CGNL1: variants seen among roughly 807,000 people sequenced by gnomAD.
CGNL1 encodes the protein cingulin-like protein 1.
A neutral mutation model predicts 141.2 loss-of-function variants in CGNL1; 132 were observed. The observed-to-expected ratio is 0.93, with a 90% CI of 0.81 to 1.08. The LOEUF (loss-of-function observed/expected upper bound fraction) is 1.08, where lower values mean the gene tolerates loss of function less well. Ranked by LOEUF, CGNL1 falls within the 50% of genes least tolerant of loss-of-function variation. The pLI is 0.00. For synonymous variants in CGNL1, 690 were observed against 622.1 expected, an observed-to-expected ratio of 1.11 and a Z score of -1.63; for missense variants, 1,870 against 1,588.6, an observed-to-expected ratio of 1.18 and a Z score of -3.01.
chr15:57,415,882 C>T (rs891923590), intron 1 of CGNL1, among the ~76,000 whole-genome samples: 2 of 152,336 alleles, frequency 1.3e-5, no homozygotes, highest in African/African-American at 4.8e-5. Context: ...AGGTTAGTTT[C>T]TCCTGATTTT....
At chr15:57,476,137 G>C (rs2152352592) in intron 8 of CGNL1, among the ~76,000 whole-genome samples, 1 of 152,302 alleles carries the variant, frequency 6.6e-6, no homozygotes, top group African/African-American at 2.4e-5. Context: ...AGCCAGTTCG[G>C]TGTGGGGCAT....
intron 1 of CGNL1, among the ~76,000 whole-genome samples, chr15:57,437,435 A>G (rs1195315227): frequency 3.3e-5 from 5 of 152,078 alleles, no homozygotes; most frequent in African/African-American, 9.7e-5. Context: ...TGTGGGTAAA[A>G]AAGGCTGAAA....
chr15:57,383,180 A>G (rs548954789), intron 1 of CGNL1, among the ~76,000 whole-genome samples: 2 of 152,176 alleles, frequency 1.3e-5, no homozygotes, highest in Admixed American at 6.5e-5. Context: ...TGAAAGCTTT[A>G]GGTGCTGGAG....
chr15:57,528,366 C>G (rs547688816), intron 12 of CGNL1, among the ~76,000 whole-genome samples: 107 of 152,268 alleles, frequency 7.0e-4, no homozygotes, highest in African/African-American at 2.5e-3. Flanking sequence ...TTTGCTAATA[C>G]TCTGCTATTT....
chr15:57,488,048 T>G (rs2063808319), intron 8 of CGNL1, among the ~76,000 whole-genome samples: 1 of 152,176 alleles, frequency 6.6e-6, no homozygotes, highest in South Asian at 2.1e-4. Context: ...TTTCTCCACA[T>G]CCTCTCCCAC....
Position 57,424,293 on chromosome 15 carries a change from C to T in CGNL1, c.-15-13692C>T, listed in dbSNP as rs74019111. 9.3e-3 allele frequency among the ~76,000 whole-genome samples: 1,419 copies of T among 152,282 alleles called. 19 individuals are homozygous for T. The highest frequency in any genetic ancestry group is 0.033 in the African/African-American group (1,359 of 41,542). On this transcript the variant is annotated intron_variant, in intron 1 of 18. Transcript: ENST00000281282. ...TTCAAAGCAAATATTCCCTTCCCAG[C>T]GAGGGCTTCCTTAACTGTCTATCTA... is the stretch of plus-strand genomic sequence containing the variant.
At chr15:57,490,534 A>T (rs1208413606) in intron 8 of CGNL1, among the ~76,000 whole-genome samples, 1 of 152,226 alleles carries the variant, frequency 6.6e-6, no homozygotes, top group Non-Finnish European at 1.5e-5. Flanking sequence ...TGACCCCAAA[A>T]TAAAATAAAT....
chr15:57,451,992 G>C (rs2063327580), intron 5 of CGNL1, 149 bp from the exon 6 acceptor site: 1 of 598,722 alleles, frequency 1.7e-6, no homozygotes, highest in African/African-American at 1.9e-5. Context: ...TTCTAGTTAA[G>C]AACTCCTGTG....
intron 4 of CGNL1, among the ~76,000 whole-genome samples, chr15:57,450,380 G>T (rs573383254): frequency 1.3e-5 from 2 of 152,278 alleles, no homozygotes; most frequent in African/African-American, 4.8e-5. Context: ...GGGTTCAAGC[G>T]ATTCTTCTGC....
At chr15:57,462,874 AT>A (rs200899840) in intron 8 of CGNL1, among the ~76,000 whole-genome samples, 9 of 151,348 alleles carry the variant, frequency 5.9e-5, no homozygotes, top group Admixed American at 2.6e-4. Flanking sequence ...TCCCTGTCTT[AT>A]TTTTTTTTAG....
At chr15:57,498,534 T>A (rs1241713171) in intron 8 of CGNL1, among the ~76,000 whole-genome samples, 1 of 152,182 alleles carries the variant, frequency 6.6e-6, no homozygotes. Flanking sequence ...GTTTTTTGTT[T>A]GTTTGTTTTT....
intron 8 of CGNL1, among the ~76,000 whole-genome samples, chr15:57,508,482 C>T (rs1324970224): frequency 1.3e-5 from 2 of 152,180 alleles, no homozygotes; most frequent in African/African-American, 4.8e-5. Flanking sequence ...ATTTGTATCT[C>T]TTTTTTGATT....
chr15:57,389,020 A>G (rs1179913544), intron 1 of CGNL1, among the ~76,000 whole-genome samples: 2 of 151,964 alleles, frequency 1.3e-5, no homozygotes, highest in African/African-American at 4.8e-5. Flanking sequence ...CAAACTATAG[A>G]GAGGTGTTTT....
At chr15:57,485,717 G>A (rs1193861384) in intron 8 of CGNL1, among the ~76,000 whole-genome samples, 2 of 152,192 alleles carry the variant, frequency 1.3e-5, no homozygotes, top group Admixed American at 1.3e-4. Context: ...ATGCATAAGA[G>A]TATAGAGTAG....
intron 8 of CGNL1, among the ~76,000 whole-genome samples, chr15:57,513,624 G>A (rs750008222): frequency 6.6e-6 from 1 of 151,966 alleles, no homozygotes; most frequent in African/African-American, 2.4e-5. Context: ...GGGTTCAAGC[G>A]ATTCTCCTGC....
intron 15 of CGNL1, 100 bp from the exon 16 acceptor site, chr15:57,544,373 A>T: frequency 1.4e-6 from 2 of 1,434,526 alleles, no homozygotes; most frequent in Non-Finnish European, 1.9e-6. Flanking sequence ...GCCTCATCGC[A>T]TGCAGCGACC....
At chr15:57,455,352 G>C (rs1365701520) in intron 7 of CGNL1, among the ~76,000 whole-genome samples, 2 of 152,164 alleles carry the variant, frequency 1.3e-5, no homozygotes, top group African/African-American at 4.8e-5. Flanking sequence ...ATAAAACATT[G>C]TCATATTCTT....
intron 18 of CGNL1, among the ~76,000 whole-genome samples, chr15:57,546,605 T>C (rs2032882329): frequency 6.6e-6 from 1 of 151,894 alleles, no homozygotes; most frequent in Non-Finnish European, 1.5e-5. Context: ...TAAGGTGAAG[T>C]TCTGGTTTGT....
intron 1 of CGNL1, among the ~76,000 whole-genome samples, chr15:57,386,265 T>A (rs2062481803): frequency 6.6e-6 from 1 of 152,242 alleles, no homozygotes. Flanking sequence ...TGCTACAGGC[T>A]TGTGAGCCTC....
Sources: gnomAD v4.1 joint callset for allele counts (sites outside exome capture counted in the v4.1 genomes callset) on GRCh38, gnomAD v4.1.1 for gene constraint, MANE v1.5 for transcripts, NCBI Gene and HGNC (gene_info 2026-07-23, HGNC 2026-07-21) for gene names.